The following PPP2R3B variants were observed in gnomAD, a reference collection of about 807,000 sequenced individuals.
PPP2R3B encodes serine/threonine-protein phosphatase 2A regulatory subunit B'' subunit beta.
A neutral mutation model predicts 72.9 loss-of-function variants in PPP2R3B; 68 were observed. The ratio of observed to expected loss-of-function variants is 0.93; its 90% CI spans 0.77 to 1.14. The LOEUF is 1.14. Ranked by LOEUF, PPP2R3B falls within the 50% of genes most tolerant of loss-of-function variation. PPP2R3B has a pLI of 0.00. For synonymous variants in PPP2R3B, 466 were observed against 375.8 expected, an observed-to-expected ratio of 1.24 and a Z score of -2.78; for missense variants, 1,018 against 842.0, an observed-to-expected ratio of 1.21 and a Z score of -2.59.
In PPP2R3B at chrX:380,883, CT is replaced by C. The variant is rs201321235; in HGVS notation, c.324+5484del. ...TTTAAAGATGCATTTAGGGTCCCCC[CT>C]AGCAGAAGCACCCTGGCTTGCAGCA... On this transcript the variant is annotated intron_variant, in intron 1 of 12. Coordinates refer to ENST00000390665, the MANE Select transcript of PPP2R3B (RefSeq NM_013239.5). 5.1e-3 allele frequency among the ~76,000 whole-genome samples: 774 copies of C among 150,630 alleles called. 6 individuals are homozygous for C. Among genetic ancestry groups the C allele is most frequent in the African/African-American group, 0.018 (737 of 41,164 alleles).
At chrX:341,185 A>G (rs2124591000) in intron 9 of PPP2R3B, 122 bp downstream of exon 9, 1 of 968,776 alleles carries the variant, frequency 1.0e-6, no homozygotes, top group Admixed American at 1.9e-5. Context: ...CCGGGCGTGC[A>G]CATGTCCCCC....
intron 1 of PPP2R3B, among the ~76,000 whole-genome samples, chrX:363,782 G>A (rs1358187854): frequency 2.6e-5 from 4 of 151,692 alleles, no homozygotes; most frequent in Admixed American, 6.6e-5. Context: ...TGGAGCCTGC[G>A]GCTCTTCCTC....
intron 1 of PPP2R3B, among the ~76,000 whole-genome samples, chrX:369,103 T>C (rs2124321533): frequency 6.6e-6 from 1 of 152,180 alleles, no homozygotes; most frequent in East Asian, 1.9e-4. Flanking sequence ...GCTGCAGGTC[T>C]CAGGGGGTTC....
chrX:337,511 A>G (rs759066176), intron 12 of PPP2R3B: 3 of 152,426 alleles, frequency 2.0e-5, no homozygotes, highest in African/African-American at 7.2e-5. Flanking sequence ...TCCAGCGTGC[A>G]CCACGGGAGG....
In PPP2R3B at chrX:364,622, G is replaced by A. The variant is rs752831664; in HGVS notation, c.325-3032C>T. ...ACTCCCAGCTACTCGGGAGGCTGAGGCAGGAGAATCGCTTCAACACAGGAG... is the reference window on the plus strand; with the variant it reads ...ACTCCCAGCTACTCGGGAGGCTGAGACAGGAGAATCGCTTCAACACAGGAG... On this transcript the variant is annotated intron_variant, in intron 1 of 12. Coordinates refer to ENST00000390665, the MANE Select transcript of PPP2R3B (RefSeq NM_013239.5). Among the ~76,000 whole-genome samples the A allele has an allele frequency of 5.9e-4, 87 of 147,746 alleles. 2 individuals carry two copies. The highest frequency in any genetic ancestry group is 1.2e-3 in the Non-Finnish European group (81 of 66,836).
chrX:364,826 T>G (rs2071667818), intron 1 of PPP2R3B, among the ~76,000 whole-genome samples: 1 of 51,950 alleles, frequency 1.9e-5, no homozygotes, highest in Non-Finnish European at 3.2e-5. Context: ...GAGGTTGCAG[T>G]GAGCTGAGAT....
At chrX:341,720 C>A (rs1870507356) in intron 8 of PPP2R3B, 163 bp downstream of exon 8, 7 of 807,388 alleles carry the variant, frequency 8.7e-6, no homozygotes, top group Admixed American at 6.1e-5. Context: ...CCCCCCCCCA[C>A]TAGGGATTCA....
intron 7 of PPP2R3B, chrX:345,242 C>T (rs1196443710): frequency 4.5e-6 from 3 of 672,962 alleles, no homozygotes; most frequent in Non-Finnish European, 2.7e-6. Context: ...TGCTGGCCCT[C>T]GGGCCAGGAG....
At chrX:385,906 A>C (rs929138670) in intron 1 of PPP2R3B, among the ~76,000 whole-genome samples, 1 of 152,062 alleles carries the variant, frequency 6.6e-6, no homozygotes, top group African/African-American at 2.4e-5. Context: ...CATGGGGGAA[A>C]CCCAGTCTCT....
intron 12 of PPP2R3B, chrX:335,338 G>T (rs1264322827): frequency 1.3e-5 from 2 of 152,384 alleles, no homozygotes; most frequent in African/African-American, 2.4e-5. Context: ...GCCTTAGGGT[G>T]TCCGACAGGA....
rs1232140400 is a variant in PPP2R3B, at chrX:345,521, T to C, written c.1031A>G (p.Asp344Gly). 1 of 1,612,544 alleles carries C rather than the reference T, an allele frequency of 6.2e-7. No homozygotes were observed. Among genetic ancestry groups the C allele is most frequent in the Admixed American group, 1.7e-5 (1 of 59,960 alleles). The stretch of plus-strand genomic sequence containing the variant: ...GCCCCTGTGCCCCCACGCACCGTGG[T>C]CATTGTGCCGCGCCAGGTCGTCCGC... ...IDADDLARHN[D>G]HALSTKMIDR... Residue 344 changes from aspartate to glycine, a missense_variant, in exon 7 of 13, where the codon GAC becomes GGC. By Grantham distance (94) the Asp-to-Gly change is moderately conservative. Coordinates refer to ENST00000390665, the MANE Select transcript of PPP2R3B (RefSeq NM_013239.5).
intron 2 of PPP2R3B, among the ~76,000 whole-genome samples, chrX:356,371 A>T (rs909531386): frequency 2.6e-5 from 4 of 152,116 alleles, no homozygotes; most frequent in Non-Finnish European, 4.4e-5. Context: ...GCCCGCCACC[A>T]TACCTGGCTA....
chrX:335,435 GAC>G (rs904814537), intron 12 of PPP2R3B: 52 of 152,426 alleles, frequency 3.4e-4, no homozygotes, highest in African/African-American at 1.2e-3. Context: ...GAGGAGGACG[GAC>G]ACACAGGACA....
chrX:348,859 C>T (rs1307325579), intron 2 of PPP2R3B, among the ~76,000 whole-genome samples: 1 of 151,992 alleles, frequency 6.6e-6, no homozygotes, highest in Non-Finnish European at 1.5e-5. Flanking sequence ...ATCACACATG[C>T]GTTCCCCTGG....
chrX:362,120 G>T (rs1329383279), intron 1 of PPP2R3B: 2 of 171,352 alleles, frequency 1.2e-5, no homozygotes, highest in South Asian at 1.4e-4. Flanking sequence ...CAGGAGAAGG[G>T]GTCGACCACC....
intron 1 of PPP2R3B, among the ~76,000 whole-genome samples, chrX:379,121 G>A (rs1238631267): frequency 6.0e-5 from 9 of 150,204 alleles, no homozygotes; most frequent in South Asian, 2.1e-4. Flanking sequence ...GTGTGCACCT[G>A]TGTGTATGCA....
intron 10 of PPP2R3B, 94 bp from the exon 11 acceptor site, chrX:338,990 G>C: frequency 9.8e-7 from 1 of 1,023,970 alleles, no homozygotes; most frequent in East Asian, 2.4e-5. Flanking sequence ...ACGTGCTTAA[G>C]GACGCGGCAC....
intron 1 of PPP2R3B, among the ~76,000 whole-genome samples, chrX:372,521 C>G (rs2071888317): frequency 6.6e-6 from 1 of 152,168 alleles, no homozygotes; most frequent in Non-Finnish European, 1.5e-5. Flanking sequence ...CAGCCAAACC[C>G]TAAATTCTCA....
chrX:370,621 G>A (rs1474916528), intron 1 of PPP2R3B, among the ~76,000 whole-genome samples: 5 of 152,160 alleles, frequency 3.3e-5, no homozygotes, highest in African/African-American at 4.8e-5. Context: ...TCTGTTTCCC[G>A]TTAACCCCCC....
Sources: gnomAD v4.1 joint callset for allele counts (sites outside exome capture counted in the v4.1 genomes callset) on GRCh38, gnomAD v4.1.1 for gene constraint, MANE v1.5 for transcripts, NCBI Gene and HGNC (gene_info 2026-07-23, HGNC 2026-07-21) for gene names.